Variants in DTNA observed in about 807,000 individuals in gnomAD.
DTNA encodes the protein dystrophin-related protein 3.
DTNA carries 43 observed loss-of-function variants against 100.7 expected under a neutral mutation model. The ratio of observed to expected loss-of-function variants is 0.43; its 90% CI spans 0.33 to 0.55. DTNA has a LOEUF of 0.55. Among genes scored for constraint, DTNA ranks in the 20% least tolerant of loss-of-function variants. The probability of loss-of-function intolerance (pLI) is 0.04; values close to 1 mark genes in which losing one functional copy is unlikely to be tolerated. For missense variants in DTNA, 798 were observed against 953.9 expected (o/e 0.84, Z 2.15); for synonymous variants, 349 against 347.9 (o/e 1.00, Z -0.04).
At chr18:34,493,870 CGCCGGCCGCGGCTAGCGCGAAGCATGT>C (rs1410091724) in intron 1 of DTNA, 1 of 147,976 alleles carries the variant, frequency 6.8e-6, no homozygotes, top group Non-Finnish European at 1.5e-5. Flanking sequence ...TGTGCGCCGG[CGCCGGCCGCGGCTAGCGCGAAGCATGT>C]GCCGGGCGCC....
chr18:34,749,963 G>T (rs571838802), intron 1 of DTNA, among the ~76,000 whole-genome samples: 1 of 152,262 alleles, frequency 6.6e-6, no homozygotes, highest in Admixed American at 6.5e-5. Flanking sequence ...GCATTTATAT[G>T]CCACCAATAA....
chr18:34,755,506 G>C (rs891692282), intron 1 of DTNA: 9 of 176,330 alleles, frequency 5.1e-5, no homozygotes, highest in Non-Finnish European at 9.7e-5. Context: ...CTGGCAACAG[G>C]ATGAGATGGA....
rs553801456 is a variant in DTNA, at chr18:34,593,382, C to G, written c.-2+99868C>G. ...TAGAGGCTGGATTTCATACTCATAG[C>G]TCTCCCTAGAATTTCAGAGAGTTCT... On this transcript the variant is annotated intron_variant, in intron 1 of 19. Coordinates refer to the DTNA transcript ENST00000283365. 306 of 152,318 alleles carry G rather than the reference C, an allele frequency of 2.0e-3. 2 individuals carry two copies. The highest frequency in any genetic ancestry group is 7.0e-3 in the African/African-American group (292 of 41,560). The allele number at this position is 152,318 out of a possible 1,614,324, so 9.4% of individuals were successfully genotyped here. A position where few individuals can be genotyped will look rare whatever the true frequency, so the allele number is the denominator to read the frequency against.
chr18:34,710,114 A>G (rs2082619793), upstream of DTNA, among the ~76,000 whole-genome samples: 1 of 152,192 alleles, frequency 6.6e-6, no homozygotes, highest in Non-Finnish European at 1.5e-5. Flanking sequence ...TGAGTCAGCA[A>G]GAGAAGCATA....
chr18:34,880,150 G>C (rs934801645), intron 20 of DTNA, among the ~76,000 whole-genome samples: 13 of 152,142 alleles, frequency 8.5e-5, no homozygotes, highest in African/African-American at 3.1e-4. Context: ...CATCACATAA[G>C]TATTTGGAAT....
chr18:34,875,212 A>G, intron 17 of DTNA, 27 bp from the exon 18 acceptor site: 1 of 1,610,496 alleles, frequency 6.2e-7, no homozygotes, highest in Non-Finnish European at 8.5e-7. Flanking sequence ...TGGGAAAGCA[A>G]ATTAATGACC....
chr18:34,504,760 T>A (rs1463277176), intron 1 of DTNA, among the ~76,000 whole-genome samples: 1 of 150,336 alleles, frequency 6.7e-6, no homozygotes, highest in Admixed American at 6.7e-5. Context: ...TTTATAAAAC[T>A]TTTTTGTCTT....
chr18:34,724,696 G>T (rs1157038467), intron 1 of DTNA, among the ~76,000 whole-genome samples: 1 of 152,136 alleles, frequency 6.6e-6, no homozygotes. Context: ...AGCCATTCAT[G>T]ACAGATCTAT....
At position 34,860,170 on chromosome 18, in the gene DTNA, C is replaced by T. The variant is rs377089358; in HGVS notation, c.1646+1772C>T. 1.5e-3 allele frequency among the ~76,000 whole-genome samples: 228 copies of T among 149,922 alleles called. 3 individuals carry two copies. Among genetic ancestry groups the T allele is most frequent in the African/African-American group, 5.4e-3 (221 of 40,816 alleles). ...TAAAGCAATTCTCTGCCTCAGCCTC[C>T]GGAGTAGCTGGGATTACAGGCGCGT... On this transcript the variant is annotated intron_variant, in intron 16 of 22. Transcript: ENST00000444659.
chr18:34,874,326 A>G (rs1436673567), intron 17 of DTNA, among the ~76,000 whole-genome samples: 1 of 152,222 alleles, frequency 6.6e-6, no homozygotes, highest in Non-Finnish European at 1.5e-5. Context: ...TATGCACTCA[A>G]GGGTCTCCTT....
intron 1 of DTNA, among the ~76,000 whole-genome samples, chr18:34,717,984 G>T (rs2084398091): frequency 6.6e-6 from 1 of 152,178 alleles, no homozygotes; most frequent in South Asian, 2.1e-4. Context: ...GATGAAAGTA[G>T]AATTTAAAAA....
chr18:34,682,120 T>G lies in DTNA; in HGVS notation c.-1-73856T>G, dbSNP rs546293515. Reference sequence around the variant, plus strand: ...TTTAAGTCTCCTTCATGGCTTTTCATGGCTTGATAGTTCATTTTGTTTTAG... The same window carrying G: ...TTTAAGTCTCCTTCATGGCTTTTCAGGGCTTGATAGTTCATTTTGTTTTAG... On this transcript the variant is annotated intron_variant, in intron 1 of 19. Coordinates refer to the DTNA transcript ENST00000283365. Among the ~76,000 whole-genome samples, 6 of 152,322 alleles carry G rather than the reference T, an allele frequency of 3.9e-5. No individual in the cohort carries two copies. The South Asian group carries it at 1.2e-3, about 32-fold the overall frequency.
intron 6 of DTNA, among the ~76,000 whole-genome samples, chr18:34,812,922 A>G (rs1293450313): frequency 6.6e-6 from 1 of 152,180 alleles, no homozygotes. Flanking sequence ...GAGAGGCCCA[A>G]AATATGGTAA....
At chr18:34,768,333 A>T (rs1190634466) in intron 3 of DTNA, among the ~76,000 whole-genome samples, 1 of 152,160 alleles carries the variant, frequency 6.6e-6, no homozygotes. Flanking sequence ...AAAAAGGAAA[A>T]CAAAGAAAAG....
In DTNA at chr18:34,889,613, C is replaced by G. The variant is rs138455778; in HGVS notation, c.*1879C>G. 30 of 985,484 alleles carry G rather than the reference C, an allele frequency of 3.0e-5. No individual in the cohort carries two copies. In the East Asian group the frequency reaches 3.1e-3, roughly 101 times the overall value. The allele number at this position is 985,484 out of a possible 1,614,324, so 61.0% of individuals were successfully genotyped here. The stretch of plus-strand genomic sequence containing the variant: ...GCCCCCTCTGCAGAGGGCGGCTGTA[C>G]GATGTTCACATGTCTGCGTTTGGTC... On this transcript the variant is annotated 3_prime_UTR_variant, in exon 23 of 23. Transcript: ENST00000444659.
At position 34,890,933 on chromosome 18, in the gene DTNA, C is replaced by A. The variant is rs1449796897; in HGVS notation, c.*3199C>A. ...TCATCTTTGTCCACCCTTATTAGTT[C>A]TTGGCTGTTAACCGTAGATAGATCT... On this transcript the variant is annotated 3_prime_UTR_variant, in exon 23 of 23. Transcript: ENST00000444659. The A allele has an allele frequency of 1.9e-5, 3 of 154,378 alleles. No homozygotes were observed. The highest frequency in any genetic ancestry group is 7.2e-5 in the African/African-American group (3 of 41,408). The allele number at this position is 154,378 out of a possible 1,614,324, so 9.6% of individuals were successfully genotyped here.
chr18:34,661,050 T>C (rs2075112452), intron 1 of DTNA, among the ~76,000 whole-genome samples: 1 of 152,230 alleles, frequency 6.6e-6, no homozygotes, highest in African/African-American at 2.4e-5. Context: ...TGTCAACAAC[T>C]ATTATGATAT....
chr18:34,552,288 A>G (rs1262564257), intron 1 of DTNA, among the ~76,000 whole-genome samples: 1 of 152,090 alleles, frequency 6.6e-6, no homozygotes, highest in Non-Finnish European at 1.5e-5. Flanking sequence ...ACCATTTCAT[A>G]AAGAAATACA....
chr18:34,792,294 G>A (rs1025370106), intron 3 of DTNA, among the ~76,000 whole-genome samples: 4 of 152,166 alleles, frequency 2.6e-5, no homozygotes, highest in African/African-American at 9.7e-5. Flanking sequence ...CCTAGCCTGG[G>A]AAAAGGGTCT....
Sources: allele counts gnomAD v4.1 joint callset (sites outside exome capture counted in the v4.1 genomes callset), GRCh38; gene constraint gnomAD v4.1.1; transcripts MANE v1.5; gene names NCBI Gene and HGNC (gene_info 2026-07-23, HGNC 2026-07-21).